LAMA3: variants seen among roughly 807,000 people sequenced by gnomAD.
The protein encoded by LAMA3 is laminin subunit alpha 3, also known as laminin subunit alpha-3.
A neutral mutation model predicts 402.0 loss-of-function variants in LAMA3; 281 were observed. That is an observed-to-expected ratio of 0.70 (90% confidence interval 0.63 to 0.77). LAMA3 has a LOEUF of 0.77. Among genes scored for constraint, LAMA3 ranks in the 30% least tolerant of loss-of-function variants. The pLI is 0.00. For synonymous variants in LAMA3, 1,431 were observed against 1,558.4 expected (o/e 0.92, Z 1.93); for missense variants, 3,840 against 4,215.5 (o/e 0.91, Z 2.47).
chr18:23,866,264 C>CTGA (rs1331611635), intron 36 of LAMA3, among the ~76,000 whole-genome samples: 1 of 152,194 alleles, frequency 6.6e-6, no homozygotes, highest in Non-Finnish European at 1.5e-5. Flanking sequence ...GTGCCACTGC[C>CTGA]TGAAGTCGGC....
intron 3 of LAMA3, 48 bp from the exon 4 acceptor site, chr18:23,749,380 C>A (rs969410587): frequency 2.2e-5 from 22 of 995,862 alleles, no homozygotes; most frequent in Admixed American, 1.0e-4. Flanking sequence ...AGATTTGCAA[C>A]AAAATGATAA....
chr18:23,824,855 G>A (rs1445303058), intron 21 of LAMA3, among the ~76,000 whole-genome samples: 3 of 152,136 alleles, frequency 2.0e-5, no homozygotes, highest in South Asian at 2.1e-4. Flanking sequence ...GAACAAATGC[G>A]AAGCCTTCAT....
At chr18:23,917,713 T>C (rs1050421669) in intron 60 of LAMA3, among the ~76,000 whole-genome samples, 3 of 152,248 alleles carry the variant, frequency 2.0e-5, no homozygotes, top group African/African-American at 7.2e-5. Flanking sequence ...TGTTTGGTTT[T>C]TGCTTGTTAA....
intron 38 of LAMA3, chr18:23,872,811 G>A (rs1428685314): frequency 1.8e-6 from 1 of 551,564 alleles, no homozygotes; most frequent in Non-Finnish European, 3.3e-6. Context: ...TGAGGTGGGT[G>A]GAAGGTGATG....
intron 2 of LAMA3, among the ~76,000 whole-genome samples, chr18:23,715,454 A>G (rs530065914): frequency 6.6e-6 from 1 of 152,272 alleles, no homozygotes; most frequent in East Asian, 1.9e-4. Flanking sequence ...CTTTGATAAG[A>G]GAGCATTGAA....
chr18:23,773,810 G>T (rs1360931064), intron 9 of LAMA3, among the ~76,000 whole-genome samples: 1 of 152,194 alleles, frequency 6.6e-6, no homozygotes, highest in Non-Finnish European at 1.5e-5. Flanking sequence ...TAAATAAAAT[G>T]CAATCAAAAG....
intron 6 of LAMA3, among the ~76,000 whole-genome samples, chr18:23,756,511 C>G (rs999923939): frequency 7.7e-6 from 1 of 129,176 alleles, no homozygotes; most frequent in South Asian, 2.7e-4. Flanking sequence ...AAGCCTCTTT[C>G]ATATTCACGA....
At chr18:23,781,552 A>G (rs774559566) in intron 11 of LAMA3, among the ~76,000 whole-genome samples, 1 of 152,232 alleles carries the variant, frequency 6.6e-6, no homozygotes, top group East Asian at 1.9e-4. Context: ...TGTATTGTAC[A>G]TGTTTACACA....
intron 1 of LAMA3, among the ~76,000 whole-genome samples, chr18:23,698,941 T>C (rs1214606362): frequency 1.3e-5 from 2 of 151,766 alleles, no homozygotes; most frequent in Non-Finnish European, 2.9e-5. Context: ...GATTCTGTGA[T>C]AAAAATTAAA....
In LAMA3 at chr18:23,939,404, T is replaced by C. The variant is rs1184996607; in HGVS notation, c.9026+18T>C. On this transcript the variant is annotated intron_variant, in intron 68 of 74. Coordinates refer to ENST00000313654, the MANE Select transcript of LAMA3 (RefSeq NM_198129.4). ...AAACCCAGGTATTATTTAGCTTTCC[T>C]GCCCCAGCACCAGCTCAGAACCTGA... 22 of 1,613,430 alleles carry C rather than the reference T, an allele frequency of 1.4e-5. No homozygotes were observed. The highest frequency in any genetic ancestry group is 1.6e-4 in the Middle Eastern group (1 of 6,082).
At chr18:23,719,101 C>G (rs2061163737) in intron 2 of LAMA3, among the ~76,000 whole-genome samples, 1 of 152,214 alleles carries the variant, frequency 6.6e-6, no homozygotes, top group South Asian at 2.1e-4. Context: ...TTATGTTCCT[C>G]TCTTCCCAGT....
chr18:23,844,795 T>A lies in LAMA3; in HGVS notation c.3604-214T>A, dbSNP rs527616208. Among the ~76,000 whole-genome samples the A allele has an allele frequency of 7.2e-5, 11 of 152,336 alleles. No individual in the cohort carries two copies. The South Asian group carries it at 2.3e-3, about 32-fold the overall frequency. ...TTGCATAATACTTACAGATTGAGCA[T>A]CCCTAATTCAAAAATCCCAAATCCA... is the stretch of plus-strand genomic sequence containing the variant. On this transcript the variant is annotated intron_variant, in intron 29 of 74. Coordinates refer to ENST00000313654, the MANE Select transcript of LAMA3 (RefSeq NM_198129.4).
At chr18:23,742,616 A>G (rs2061581932) in intron 2 of LAMA3, among the ~76,000 whole-genome samples, 1 of 151,698 alleles carries the variant, frequency 6.6e-6, no homozygotes, top group African/African-American at 2.4e-5. Context: ...GGAAAGTATT[A>G]TGATGTCTGT....
intron 38 of LAMA3, chr18:23,872,699 T>C (rs1173850681): frequency 6.0e-6 from 2 of 333,340 alleles, no homozygotes; most frequent in African/African-American, 2.1e-5. Context: ...CTGATTAAAA[T>C]TGATAGCCCG....
intron 12 of LAMA3, among the ~76,000 whole-genome samples, chr18:23,800,832 C>T (rs2062852956): frequency 6.6e-6 from 1 of 152,116 alleles, no homozygotes; most frequent in South Asian, 2.1e-4. Context: ...CCTTCAGGCT[C>T]ATCCGTGTTG....
chr18:23,785,833 C>T (rs1365379025), intron 12 of LAMA3, among the ~76,000 whole-genome samples: 1 of 152,190 alleles, frequency 6.6e-6, no homozygotes, highest in African/African-American at 2.4e-5. Flanking sequence ...AATATTCTAA[C>T]TTATTCATAT....
intron 35 of LAMA3, among the ~76,000 whole-genome samples, chr18:23,864,062 T>C (rs1175446214): frequency 1.3e-5 from 2 of 152,188 alleles, no homozygotes; most frequent in African/African-American, 4.8e-5. Context: ...GGTTATTTTG[T>C]GACTGATAGA....
intron 11 of LAMA3, among the ~76,000 whole-genome samples, chr18:23,781,792 G>T (rs2062443264): frequency 6.6e-6 from 1 of 152,178 alleles, no homozygotes; most frequent in Non-Finnish European, 1.5e-5. Context: ...CTGCTTTTAG[G>T]TAGAAAGGGT....
chr18:23,716,898 A>C (rs1435022784), intron 2 of LAMA3, among the ~76,000 whole-genome samples: 5 of 152,154 alleles, frequency 3.3e-5, no homozygotes, highest in African/African-American at 1.2e-4. Flanking sequence ...CATCCCTCAT[A>C]AGATTATTAT....
Sources: allele counts gnomAD v4.1 joint callset (sites outside exome capture counted in the v4.1 genomes callset), GRCh38; gene constraint gnomAD v4.1.1; transcripts MANE v1.5; gene names NCBI Gene and HGNC (gene_info 2026-07-23, HGNC 2026-07-21).